FUT8: variants seen among roughly 807,000 people sequenced by gnomAD.
FUT8 encodes fucosyltransferase 8, also known as alpha-(1,6)-fucosyltransferase.
A neutral mutation model predicts 71.3 loss-of-function variants in FUT8; 29 were observed. That is an observed-to-expected ratio of 0.41 (90% CI 0.30 to 0.55). The LOEUF (loss-of-function observed/expected upper bound fraction) is 0.55, where lower values mean the gene tolerates loss of function less well. Ranked by LOEUF, FUT8 falls within the 20% of genes least tolerant of loss-of-function variation. The pLI, the probability that FUT8 is intolerant of heterozygous loss-of-function variation, is 0.34. For missense variants in FUT8, 544 were observed against 702.1 expected, an observed-to-expected ratio of 0.77 and a Z score of 2.55; for synonymous variants, 254 against 239.3, an observed-to-expected ratio of 1.06 and a Z score of -0.57.
intron 9 of FUT8, among the ~76,000 whole-genome samples, chr14:65,729,839 A>G (rs1895884431): frequency 6.6e-6 from 1 of 152,246 alleles, no homozygotes; most frequent in African/African-American, 2.4e-5. Flanking sequence ...TGCCAGTGGT[A>G]GTCCAGGCAG....
chr14:65,677,157 C>CGCGT (rs1555383292), intron 7 of FUT8, among the ~76,000 whole-genome samples: 1 of 34,408 alleles, frequency 2.9e-5, no homozygotes, highest in Admixed American at 3.3e-4. Flanking sequence ...TGTGTGCGCG[C>CGCGT]GCGCATGCGC....
At chr14:65,566,027 G>T (rs920102720) in intron 3 of FUT8, among the ~76,000 whole-genome samples, 10 of 151,770 alleles carry the variant, frequency 6.6e-5, no homozygotes, top group African/African-American at 2.4e-4. Flanking sequence ...TTCCAATTTG[G>T]GTTAACTTCA....
At chr14:65,455,508 G>C (rs1035685178) in intron 1 of FUT8, 113 bp from the exon 2 acceptor site, 1 of 391,648 alleles carries the variant, frequency 2.6e-6, no homozygotes, top group African/African-American at 2.1e-5. Flanking sequence ...AAGTGAATTT[G>C]CATGTTATGA....
At chr14:65,363,256 G>A in the FUT8 span, among the ~76,000 whole-genome samples, 1 of 114,056 alleles carries the variant, frequency 8.8e-6, no homozygotes, top group Non-Finnish European at 2.3e-5. Flanking sequence ...TGAGTAGCTG[G>A]GATTACAGGT....
chr14:65,696,220 A>G (rs981657446), intron 7 of FUT8, among the ~76,000 whole-genome samples: 7 of 152,200 alleles, frequency 4.6e-5, no homozygotes, highest in Non-Finnish European at 8.8e-5. Context: ...TATGATCTAT[A>G]TAATTTTCCT....
intron 3 of FUT8, among the ~76,000 whole-genome samples, chr14:65,602,140 C>T (rs1280640305): frequency 1.3e-5 from 2 of 151,356 alleles, no homozygotes; most frequent in African/African-American, 4.9e-5. Context: ...CCCACCATTT[C>T]CCCCGAGTCC....
chr14:65,509,887 T>C (rs967824479), intron 2 of FUT8, among the ~76,000 whole-genome samples: 5 of 152,168 alleles, frequency 3.3e-5, no homozygotes, highest in Admixed American at 6.5e-5. Flanking sequence ...CAAACAAGGA[T>C]AAGTTGACTT....
intron 2 of FUT8, among the ~76,000 whole-genome samples, chr14:65,558,191 G>A (rs975397591): frequency 3.9e-5 from 6 of 151,954 alleles, no homozygotes; most frequent in African/African-American, 1.4e-4. Context: ...AATGAGCCGG[G>A]CGCCACAGCA....
intron 6 of FUT8, among the ~76,000 whole-genome samples, chr14:65,663,907 A>G (rs1892086948): frequency 6.6e-6 from 1 of 152,112 alleles, no homozygotes; most frequent in South Asian, 2.1e-4. Context: ...TAGAAAATCT[A>G]TAGTTTCCAA....
chr14:65,680,833 G>T (rs1594891767), intron 7 of FUT8, among the ~76,000 whole-genome samples: 1 of 152,286 alleles, frequency 6.6e-6, no homozygotes, highest in South Asian at 2.1e-4. Context: ...TGGCTGCTTA[G>T]TGTATAGAAA....
intron 6 of FUT8, among the ~76,000 whole-genome samples, chr14:65,644,314 G>A (rs1223274291): frequency 2.6e-5 from 4 of 150,986 alleles, no homozygotes; most frequent in African/African-American, 4.9e-5. Flanking sequence ...TTTTTGAGAC[G>A]GAGTCTCACT....
At chr14:65,631,606 CTTTTCCT>C (rs1890182362) in intron 6 of FUT8, among the ~76,000 whole-genome samples, 1 of 150,284 alleles carries the variant, frequency 6.7e-6, no homozygotes, top group South Asian at 2.1e-4. Context: ...TACTTTCATG[CTTTTCCT>C]TTTTCCCCCC....
chr14:65,729,826 C>G (rs964448010), intron 9 of FUT8, among the ~76,000 whole-genome samples: 1 of 152,186 alleles, frequency 6.6e-6, no homozygotes, highest in Non-Finnish European at 1.5e-5. Flanking sequence ...GCTATAACTC[C>G]CCTGCCAGTG....
intron 2 of FUT8, among the ~76,000 whole-genome samples, chr14:65,545,541 A>G (rs1321777336): frequency 6.6e-6 from 1 of 151,920 alleles, no homozygotes; most frequent in Non-Finnish European, 1.5e-5. Context: ...TAAATTTGCT[A>G]AATAAATGAC....
chr14:65,393,520 T>C, the FUT8 span, among the ~76,000 whole-genome samples: 8 of 152,136 alleles, frequency 5.3e-5, no homozygotes, highest in Non-Finnish European at 1.0e-4. Context: ...GTGGGCTGCA[T>C]AGGTGGATTT....
chr14:65,617,271 T>C (rs911811789), intron 5 of FUT8: 1 of 1,378,874 alleles, frequency 7.3e-7, no homozygotes, highest in Non-Finnish European at 9.5e-7. Context: ...TTAGGTGAAA[T>C]TATAAATAAA....
At chr14:65,725,083 A>G (rs1015221527) in intron 9 of FUT8, among the ~76,000 whole-genome samples, 3 of 152,244 alleles carry the variant, frequency 2.0e-5, no homozygotes, top group Non-Finnish European at 4.4e-5. Context: ...ACAGTTACAG[A>G]CAACTGAACA....
At chr14:65,505,958 A>C (rs1057057644) in intron 2 of FUT8, among the ~76,000 whole-genome samples, 2 of 152,128 alleles carry the variant, frequency 1.3e-5, no homozygotes, top group Admixed American at 1.3e-4. Context: ...ATTCCTTAAG[A>C]TGTTACCCTA....
At chr14:65,423,850 A>C (rs1189230248) in intron 1 of FUT8, among the ~76,000 whole-genome samples, 2 of 152,220 alleles carry the variant, frequency 1.3e-5, no homozygotes, top group Non-Finnish European at 2.9e-5. Flanking sequence ...ACATGAGATA[A>C]AAAACTATTT....
Sources: allele counts gnomAD v4.1 joint callset (sites outside exome capture counted in the v4.1 genomes callset), GRCh38; gene constraint gnomAD v4.1.1; transcripts MANE v1.5; gene names NCBI Gene and HGNC (gene_info 2026-07-23, HGNC 2026-07-21).